Variants in JUP observed in about 807,000 individuals in gnomAD.
JUP encodes junction plakoglobin, also known as catenin (cadherin-associated protein), gamma 80kDa.
In JUP, 28 loss-of-function variants were observed where a neutral mutation model predicts 71.1. The observed-to-expected ratio is 0.39, with a 90% CI of 0.29 to 0.54. JUP has a LOEUF of 0.54. Ranked by LOEUF, JUP falls within the 20% of genes least tolerant of loss-of-function variation. The probability of loss-of-function intolerance (pLI) is 0.62; values close to 1 mark genes in which losing one functional copy is unlikely to be tolerated. For synonymous variants in JUP, 401 were observed against 438.9 expected (o/e 0.91, Z 1.08); for missense variants, 869 against 1,030.1 (o/e 0.84, Z 2.14).
chr17:41,755,975 T>TC, intron 13 of JUP, 80 bp from the exon 14 acceptor site: 4 of 1,529,452 alleles, frequency 2.6e-6, no homozygotes, highest in Non-Finnish European at 3.5e-6. Context: ...TTCAGCTGCC[T>TC]CCTCTACCCA....
intron 1 of JUP, chr17:41,773,067 T>C: frequency 3.3e-6 from 3 of 900,858 alleles, no homozygotes; most frequent in Non-Finnish European, 4.0e-6. Context: ...AGGTTAGAAA[T>C]GGCAGAGCTG....
intron 1 of JUP, among the ~76,000 whole-genome samples, chr17:41,773,131 C>T (rs555315979): frequency 5.3e-5 from 8 of 152,294 alleles, no homozygotes; most frequent in African/African-American, 1.9e-4. Context: ...CACATCCCGG[C>T]GCAGCCTCAG....
chr17:41,756,168 C>T lies in JUP; in HGVS notation c.2086+7G>A, dbSNP rs727504940. 1.2e-6 allele frequency: 2 copies of T among 1,613,602 alleles called. No homozygotes were observed. Among genetic ancestry groups the T allele is most frequent in the South Asian group, 1.1e-5 (1 of 90,946 alleles). On this transcript the variant is annotated splice_region_variant and intron_variant, in intron 13 of 13. Transcript: ENST00000393931. ...CCAGGGTCCTGAAGAGCCCGGCACA[C>T]ACTTACCATCTCCATAGGGCTCATT...
chr17:41,765,262 C>T (rs1915526472), intron 5 of JUP, among the ~76,000 whole-genome samples, 195 bp from the exon 6 acceptor site: 1 of 152,176 alleles, frequency 6.6e-6, no homozygotes, highest in African/African-American at 2.4e-5. Context: ...TCTAGAACTC[C>T]TGGCCTCAAG....
chr17:41,774,685 C>G (rs1917169345), intron 1 of JUP, among the ~76,000 whole-genome samples: 1 of 152,168 alleles, frequency 6.6e-6, no homozygotes, highest in African/African-American at 2.4e-5. Flanking sequence ...GAGAAAATGG[C>G]AGCACTTGTG....
chr17:41,769,333 C>G (rs938486265), intron 3 of JUP, 85 bp downstream of exon 3: 12 of 1,570,660 alleles, frequency 7.6e-6, no homozygotes, highest in Non-Finnish European at 8.6e-6. Context: ...TAACCTCCCT[C>G]CACCCCTACA....
chr17:41,757,541 G>A lies in JUP; in HGVS notation c.1925-5C>T. 6.2e-7 allele frequency: 1 copy of A among 1,614,234 alleles called. No homozygotes were observed. Among genetic ancestry groups the A allele is most frequent in the Non-Finnish European group, 8.5e-7 (1 of 1,180,042 alleles). On this transcript the variant is annotated splice_polypyrimidine_tract_variant and splice_region_variant and intron_variant, in intron 11 of 13. Transcript: ENST00000393931. ...GGACGGCAGCAGCGTAGGTGGCTGA[G>A]CAGAGAGGAAAGGAAAAGCCAGGTT...
At chr17:41,784,421 G>A (rs1555611214) in intron 1 of JUP, among the ~76,000 whole-genome samples, 1 of 152,102 alleles carries the variant, frequency 6.6e-6, no homozygotes, top group Non-Finnish European at 1.5e-5. Flanking sequence ...CCCCAGTCCA[G>A]TCAGTGGCCA....
At chr17:41,764,203 T>C (rs1426746614) in intron 7 of JUP, among the ~76,000 whole-genome samples, 1 of 152,204 alleles carries the variant, frequency 6.6e-6, no homozygotes, top group Admixed American at 6.5e-5. Context: ...GGGGCCTGTC[T>C]CTTGGTACAC....
At chr17:41,765,172 C>G in intron 5 of JUP, 105 bp from the exon 6 acceptor site, 2 of 1,132,836 alleles carry the variant, frequency 1.8e-6, no homozygotes, top group Non-Finnish European at 2.6e-6. Flanking sequence ...TCAGCTAAAG[C>G]ACGAATAGTT....
chr17:41,778,513 G>A (rs1460247062), intron 1 of JUP, among the ~76,000 whole-genome samples: 5 of 150,540 alleles, frequency 3.3e-5, no homozygotes, highest in African/African-American at 1.2e-4. Flanking sequence ...GTTGCAGTGA[G>A]CTGAGATCTG....
Position 41,771,432 on chromosome 17 carries a change from A to G in JUP, c.208+215T>C. 8.3e-6 allele frequency: 5 copies of G among 604,662 alleles called. 1 individual carries two copies. The South Asian group carries it at 9.8e-5, about 12-fold the overall frequency. The allele number at this position is 604,662 out of a possible 1,614,324, so 37.5% of individuals were successfully genotyped here. On this transcript the variant is annotated intron_variant, in intron 2 of 13. Coordinates refer to ENST00000393931, the MANE Select transcript of JUP (RefSeq NM_002230.4). ...GGGACTATGCCTTCCCTCCCTACTGATGGTTCACAGAAGAGGATTCTGTGA... is the reference window on the plus strand; with the variant it reads ...GGGACTATGCCTTCCCTCCCTACTGGTGGTTCACAGAAGAGGATTCTGTGA...
intron 12 of JUP, among the ~76,000 whole-genome samples, chr17:41,756,522 T>C (rs1431018968): frequency 1.3e-5 from 2 of 148,414 alleles, no homozygotes; most frequent in Non-Finnish European, 3.0e-5. Flanking sequence ...ATTGCTTGAA[T>C]GGGGAGGCAG....
intron 1 of JUP, among the ~76,000 whole-genome samples, chr17:41,780,870 C>A (rs1378668877): frequency 6.6e-6 from 1 of 151,886 alleles, no homozygotes; most frequent in African/African-American, 2.4e-5. Flanking sequence ...TATGGTGAAA[C>A]CCCGTCTCTA....
chr17:41,764,659 A>C (rs1394557417), intron 7 of JUP, 54 bp downstream of exon 7: 1 of 1,412,668 alleles, frequency 7.1e-7, no homozygotes, highest in African/African-American at 1.4e-5. Context: ...CCCAGACAGG[A>C]GGCTGGATGG....
chr17:41,756,043 G>A, intron 13 of JUP, 132 bp downstream of exon 13: 1 of 1,324,702 alleles, frequency 7.5e-7, no homozygotes, highest in Non-Finnish European at 1.1e-6. Flanking sequence ...CATCTAGACT[G>A]GGGTACATGT....
Position 41,762,123 on chromosome 17 carries a change from CAG to C in JUP, c.1497+858_1497+859del, listed in dbSNP as rs528611507. 8.0e-3 allele frequency among the ~76,000 whole-genome samples: 552 copies of C among 69,090 alleles called. 2 individuals carry two copies. The highest frequency in any genetic ancestry group is 0.026 in the African/African-American group (388 of 14,678). 45.3% of individuals were successfully genotyped at this position (69,090 alleles called of 152,430 possible). A position where few individuals can be genotyped will look rare whatever the true frequency, so the allele number is the denominator to read the frequency against. On this transcript the variant is annotated intron_variant, in intron 8 of 13. Coordinates refer to ENST00000393931, the MANE Select transcript of JUP (RefSeq NM_002230.4). The stretch of plus-strand genomic sequence containing the variant: ...CCTCTGCAGCAGGCCTGCAGAGAGA[CAG>C]AGAGAGAGAGAGAGAGAGAGAGAGA...
intron 1 of JUP, chr17:41,772,324 A>C (rs1475366419): frequency 3.5e-6 from 1 of 284,504 alleles, no homozygotes; most frequent in Non-Finnish European, 6.9e-6. Flanking sequence ...GAGGCACCCA[A>C]GCCATTGGGC....
intron 8 of JUP, among the ~76,000 whole-genome samples, chr17:41,760,781 G>T (rs376453739): frequency 8.6e-5 from 13 of 150,702 alleles, no homozygotes; most frequent in Non-Finnish European, 1.5e-4. Flanking sequence ...GGCTGGTCTC[G>T]AACTCCTAAC....
Sources: allele counts gnomAD v4.1 joint callset (sites outside exome capture counted in the v4.1 genomes callset), GRCh38; gene constraint gnomAD v4.1.1; transcripts MANE v1.5; gene names NCBI Gene and HGNC (gene_info 2026-07-23, HGNC 2026-07-21).